The following PPIL6 variants were observed in gnomAD, a reference collection of about 807,000 sequenced individuals.
PPIL6 encodes the protein probable inactive peptidyl-prolyl cis-trans isomerase-like 6.
PPIL6 carries 39 observed loss-of-function variants against 36.8 expected under a neutral mutation model. The observed-to-expected ratio is 1.06, with a 90% CI of 0.82 to 1.38. The LOEUF (loss-of-function observed/expected upper bound fraction) is 1.38. PPIL6 is among the 40% of genes most tolerant of loss of function. PPIL6 has a pLI of 0.00. For missense variants in PPIL6, 368 were observed against 379.1 expected, an observed-to-expected ratio of 0.97 and a Z score of 0.24; for synonymous variants, 123 against 134.1, an observed-to-expected ratio of 0.92 and a Z score of 0.57.
rs1454631830 is a variant in PPIL6 at position 109,391,363 on chromosome 6, G to C, written c.*1463C>G. 6.6e-6 allele frequency: 1 copy of C among 151,562 alleles called. No individual in the cohort carries two copies. The highest frequency in any genetic ancestry group is 1.5e-5 in the Non-Finnish European group (1 of 68,054). 9.4% of individuals were successfully genotyped at this position (151,562 alleles called of 1,614,324 possible). A position where few individuals can be genotyped will look rare whatever the true frequency, so the allele number is the denominator to read the frequency against. On this transcript the variant is annotated 3_prime_UTR_variant, in exon 8 of 8. Transcript: ENST00000521072. ...CAGAGCAGGGGCACAGGGTAGTGGT[G>C]GTAACAGGAGCTGAGCAAGGTCACC...
intron 6 of PPIL6, 54 bp from the exon 7 acceptor site, chr6:109,400,224 A>G: frequency 6.8e-7 from 1 of 1,467,414 alleles, no homozygotes; most frequent in African/African-American, 1.4e-5. Context: ...ATCTCAATTT[A>G]TTGTAACATA....
intron 6 of PPIL6, among the ~76,000 whole-genome samples, chr6:109,417,162 C>A (rs1429097166): frequency 6.7e-6 from 1 of 149,520 alleles, no homozygotes; most frequent in African/African-American, 2.5e-5. Flanking sequence ...AAAGTGAGAT[C>A]CTGTCTCTTA....
chr6:109,427,905 G>T (rs1019379799), intron 3 of PPIL6, among the ~76,000 whole-genome samples: 1 of 152,144 alleles, frequency 6.6e-6, no homozygotes, highest in Non-Finnish European at 1.5e-5. Flanking sequence ...TCATGGATTT[G>T]GTTACTGTGC....
At chr6:109,421,726 T>C (rs1005431893) in intron 5 of PPIL6, among the ~76,000 whole-genome samples, 2 of 152,138 alleles carry the variant, frequency 1.3e-5, no homozygotes, top group African/African-American at 4.8e-5. Flanking sequence ...AACAACTCAT[T>C]CTGGAGAAGA....
rs1166052840 is a variant in PPIL6, at chr6:109,435,321, CAG to C, written c.231+781_231+782del. Among the ~76,000 whole-genome samples the C allele has an allele frequency of 3.8e-5, 5 of 132,916 alleles. No individual in the cohort carries two copies. In the East Asian group the frequency reaches 8.8e-4, roughly 23 times the overall value. The allele number at this position is 132,916 out of a possible 152,430, so 87.2% of individuals were successfully genotyped here. A position where few individuals can be genotyped will look rare whatever the true frequency, so the allele number is the denominator to read the frequency against. On this transcript the variant is annotated intron_variant, in intron 2 of 7. Coordinates refer to ENST00000521072, the MANE Select transcript of PPIL6 (RefSeq NM_173672.5). ...CTTTTTTTTTTTTTTTTTTTGGAGACAGAGTCTCACTCTGTCACCAAGCTGGA... is the reference window on the plus strand; with the variant it reads ...CTTTTTTTTTTTTTTTTTTTGGAGACAGTCTCACTCTGTCACCAAGCTGGA...
Position 109,426,965 on chromosome 6 carries a change from A to G in PPIL6, c.513T>C (p.Cys171=), listed in dbSNP as rs1401110418. Residue 171 remains cysteine (C), a synonymous_variant, in exon 5 of 8, where the codon TGT becomes TGC. Coordinates refer to ENST00000521072, the MANE Select transcript of PPIL6 (RefSeq NM_173672.5). ...CTGTGCACAAGACCTGAAAATTTTT[A>G]CATGTTTTGGGACACACATCACAGT... ...ELYCDVCPKT[C]KNFQVLCTGK... 1.7e-5 allele frequency: 27 copies of G among 1,605,812 alleles called. No individual in the cohort carries two copies. Among genetic ancestry groups the G allele is most frequent in the Non-Finnish European group, 2.0e-5 (24 of 1,173,530 alleles).
At chr6:109,420,504 G>C (rs1773489958) in intron 5 of PPIL6, among the ~76,000 whole-genome samples, 1 of 152,078 alleles carries the variant, frequency 6.6e-6, no homozygotes, top group Non-Finnish European at 1.5e-5. Flanking sequence ...GTGTTCACAT[G>C]CTACGCATAT....
intron 2 of PPIL6, among the ~76,000 whole-genome samples, chr6:109,434,229 C>T (rs1562274559): frequency 1.3e-5 from 2 of 152,258 alleles, no homozygotes. Context: ...AAACCAGGAC[C>T]GTTTGTCACC....
Position 109,399,566 on chromosome 6 carries a change from C to T in PPIL6, c.824+469G>A, listed in dbSNP as rs1285669232. Among the ~76,000 whole-genome samples the T allele has an allele frequency of 2.0e-5, 3 of 152,100 alleles. No homozygotes were observed. In the South Asian group the frequency reaches 6.2e-4, roughly 32 times the overall value. On this transcript the variant is annotated intron_variant, in intron 7 of 7. Coordinates refer to ENST00000521072, the MANE Select transcript of PPIL6 (RefSeq NM_173672.5). ...TACAGGCACATGCCATCATGCCTGA[C>T]TAATTTTTGTATTTTTAGTAGAGAC...
Position 109,440,600 on chromosome 6 carries a change from C to G in PPIL6, c.-10G>C, listed in dbSNP as rs1774798458. On this transcript the variant is annotated 5_prime_UTR_variant, in exon 1 of 8. Transcript: ENST00000521072. ...GCTGCGGCCTTGCCATGGCCGCGCC[C>G]GGGGACGCCCGGTGACCCCAAACAC... 2 of 1,332,132 alleles carry G rather than the reference C, an allele frequency of 1.5e-6. No homozygotes were observed. Among genetic ancestry groups the G allele is most frequent in the Non-Finnish European group, 1.9e-6 (2 of 1,043,054 alleles). 82.5% of individuals were successfully genotyped at this position (1,332,132 alleles called of 1,614,324 possible). A position where few individuals can be genotyped will look rare whatever the true frequency, so the allele number is the denominator to read the frequency against.
At chr6:109,404,877 C>T in intron 6 of PPIL6, 1 of 194,644 alleles carries the variant, frequency 5.1e-6, no homozygotes, top group South Asian at 6.4e-5. Context: ...CACAGTGAAA[C>T]CCCGTCTCTA....
chr6:109,426,631 C>T (rs1477278889), intron 5 of PPIL6, among the ~76,000 whole-genome samples: 1 of 151,992 alleles, frequency 6.6e-6, no homozygotes, highest in Non-Finnish European at 1.5e-5. Flanking sequence ...TTGGAATATT[C>T]CTGGTAACAT....
In PPIL6 at chr6:109,436,213, T is replaced by G; in HGVS notation, c.136-14A>C. 1.6e-5 allele frequency: 21 copies of G among 1,334,134 alleles called. No homozygotes were observed. The highest frequency in any genetic ancestry group is 2.3e-5 in the Non-Finnish European group (21 of 930,600). The allele number at this position is 1,334,134 out of a possible 1,614,324, so 82.6% of individuals were successfully genotyped here. ...ATTCTTCAGATTCTGGATTTCGAAA[T>G]AGAATAATTATTTTAGAGTTAGTTC... is the stretch of plus-strand genomic sequence containing the variant. On this transcript the variant is annotated splice_polypyrimidine_tract_variant and intron_variant, in intron 1 of 7. Coordinates refer to ENST00000521072, the MANE Select transcript of PPIL6 (RefSeq NM_173672.5).
chr6:109,390,819 G>C lies in PPIL6; in HGVS notation c.*2007C>G, dbSNP rs1161152908. 6.6e-6 allele frequency: 1 copy of C among 152,140 alleles called. No individual in the cohort carries two copies. The highest frequency in any genetic ancestry group is 2.4e-5 in the African/African-American group (1 of 41,432). The allele number at this position is 152,140 out of a possible 1,614,324, so 9.4% of individuals were successfully genotyped here. ...GGGAAAATGGGTGAAAGGTACACAG[G>C]ACTGCTCTGTACTATTTTTGCAACT... is the stretch of plus-strand genomic sequence containing the variant. On this transcript the variant is annotated 3_prime_UTR_variant, in exon 8 of 8. Coordinates refer to ENST00000521072, the MANE Select transcript of PPIL6 (RefSeq NM_173672.5).
chr6:109,414,966 A>G (rs1388273923), intron 6 of PPIL6, among the ~76,000 whole-genome samples: 2 of 152,238 alleles, frequency 1.3e-5, no homozygotes, highest in African/African-American at 4.8e-5. Context: ...AAAATGTTAT[A>G]AAGAAAATCA....
rs568138301 is a variant in PPIL6 at position 109,391,259 on chromosome 6, GC to G, written c.*1566del. 51 of 124,086 alleles carry G rather than the reference GC, an allele frequency of 4.1e-4. 1 individual carries two copies. The highest frequency in any genetic ancestry group is 1.4e-3 in the African/African-American group (47 of 33,162). 7.7% of individuals were successfully genotyped at this position (124,086 alleles called of 1,614,324 possible). On this transcript the variant is annotated 3_prime_UTR_variant, in exon 8 of 8. Coordinates refer to ENST00000521072, the MANE Select transcript of PPIL6 (RefSeq NM_173672.5). Reference sequence around the variant, plus strand: ...GCCGAGATTGTGCCACTGCACTCCAGCCTGGGCGACAGAGTGAGATTCCGTC... The same window carrying G: ...GCCGAGATTGTGCCACTGCACTCCAGCTGGGCGACAGAGTGAGATTCCGTC...
intron 7 of PPIL6, 38 bp downstream of exon 7, chr6:109,399,997 G>A (rs551120491): frequency 6.6e-7 from 1 of 1,505,292 alleles, no homozygotes; most frequent in Admixed American, 1.8e-5. Context: ...ATTTTTACAG[G>A]TGTGAATATT....
At chr6:109,421,856 T>C (rs1773559108) in intron 5 of PPIL6, among the ~76,000 whole-genome samples, 1 of 151,766 alleles carries the variant, frequency 6.6e-6, no homozygotes, top group Non-Finnish European at 1.5e-5. Context: ...CTGGGCAATA[T>C]AGTGAGACTC....
chr6:109,404,846 G>C (rs1772726161), intron 6 of PPIL6: 1 of 165,992 alleles, frequency 6.0e-6, no homozygotes, highest in African/African-American at 2.4e-5. Flanking sequence ...GGGGTCAGGA[G>C]TTTGAGACCA....
Sources: allele counts gnomAD v4.1 joint callset (sites outside exome capture counted in the v4.1 genomes callset), GRCh38; gene constraint gnomAD v4.1.1; transcripts MANE v1.5; gene names NCBI Gene and HGNC (gene_info 2026-07-23, HGNC 2026-07-21).